CRMP1: variants seen among roughly 807,000 people sequenced by gnomAD.
CRMP1 encodes collapsin response mediator protein 1, also known as dihydropyrimidinase-related protein 1.
In CRMP1, 19 loss-of-function variants were observed where a neutral mutation model predicts 68.3. That is an observed-to-expected ratio of 0.28 (90% CI 0.19 to 0.41). The LOEUF (loss-of-function observed/expected upper bound fraction) is 0.41, where lower values mean the gene tolerates loss of function less well. Among genes scored for constraint, CRMP1 ranks in the 10% least tolerant of loss-of-function variants. CRMP1 has a pLI of 1.00. For synonymous variants in CRMP1, 439 were observed against 399.6 expected (o/e 1.10, Z -1.18); for missense variants, 791 against 967.4 (o/e 0.82, Z 2.42).
intron 6 of CRMP1, among the ~76,000 whole-genome samples, chr4:5,848,403 G>C (rs1236285924): frequency 6.6e-6 from 1 of 152,172 alleles, no homozygotes; most frequent in Non-Finnish European, 1.5e-5. Context: ...ATGTTGGCCA[G>C]GCTGGTCTCA....
chr4:5,880,422 C>A (rs1333973785), intron 1 of CRMP1, among the ~76,000 whole-genome samples: 1 of 152,126 alleles, frequency 6.6e-6, no homozygotes, highest in African/African-American at 2.4e-5. Context: ...AATTTGGGGG[C>A]AGGTTCAAAA....
chr4:5,822,911 C>T (rs1718898812), intron 13 of CRMP1, among the ~76,000 whole-genome samples: 1 of 152,184 alleles, frequency 6.6e-6, no homozygotes, highest in African/African-American at 2.4e-5. Context: ...GCACAAGCAC[C>T]ATCCTATAAA....
chr4:5,830,815 T>C lies in CRMP1; in HGVS notation c.1624-2147A>G, dbSNP rs144919855. 5.7e-3 allele frequency among the ~76,000 whole-genome samples: 867 copies of C among 152,338 alleles called. 5 individuals are homozygous for C. Among genetic ancestry groups the C allele is most frequent in the Non-Finnish European group, 8.4e-3 (574 of 68,034 alleles). ...CACATTTCTCATCTGGGAACTCTGC[T>C]TTCCTAGCTAAACAATTAAATTTTC... On this transcript the variant is annotated intron_variant, in intron 11 of 13. Coordinates refer to ENST00000324989, the MANE Select transcript of CRMP1 (RefSeq NM_001014809.3).
Position 5,825,904 on chromosome 4 carries a change from CACACACCACGCACACGCACTCACAT to C in CRMP1, c.1804-270_1804-246del. 1 of 516,146 alleles carries C rather than the reference CACACACCACGCACACGCACTCACAT, an allele frequency of 1.9e-6. No individual in the cohort carries two copies. The highest frequency in any genetic ancestry group is 3.4e-6 in the Non-Finnish European group (1 of 298,052). The allele number at this position is 516,146 out of a possible 1,614,324, so 32.0% of individuals were successfully genotyped here. A position where few individuals can be genotyped will look rare whatever the true frequency, so the allele number is the denominator to read the frequency against. ...ACCCACATGCATACACATACAGACGCACACACCACGCACACGCACTCACATACATGCAGTCATGCACACATATATG... is the reference window on the plus strand; with the variant it reads ...ACCCACATGCATACACATACAGACGCACATGCAGTCATGCACACATATATG... On this transcript the variant is annotated intron_variant, in intron 12 of 13. Transcript: ENST00000324989. This position sits in a 1 kb window ranked among gnomAD's most constrained non-coding sequence, Gnocchi z 4.4.
At chr4:5,875,623 GA>G (rs1714754688) in intron 1 of CRMP1, among the ~76,000 whole-genome samples, 1 of 152,066 alleles carries the variant, frequency 6.6e-6, no homozygotes, top group African/African-American at 2.4e-5. Flanking sequence ...TGGGAGAGGA[GA>G]AGGGAAACAT....
At chr4:5,863,659 C>A (rs1039877862) in intron 2 of CRMP1, among the ~76,000 whole-genome samples, 2 of 152,132 alleles carry the variant, frequency 1.3e-5, no homozygotes, top group African/African-American at 4.8e-5. Flanking sequence ...CTCTCAACCA[C>A]CGGCACTAGA....
Position 5,850,212 on chromosome 4 carries a change from G to A in CRMP1, c.883-740C>T, listed in dbSNP as rs937968243. Among the ~76,000 whole-genome samples, 1 of 152,152 alleles carries A rather than the reference G, an allele frequency of 6.6e-6. No individual in the cohort carries two copies. The highest frequency in any genetic ancestry group is 1.5e-5 in the Non-Finnish European group (1 of 68,026). Reference sequence around the variant, plus strand: ...ACATCCCCTCGGATGTCTGCTTTCCGACAGACATCCCTATTTCAGCAAATA... The same window carrying A: ...ACATCCCCTCGGATGTCTGCTTTCCAACAGACATCCCTATTTCAGCAAATA... On this transcript the variant is annotated intron_variant, in intron 5 of 13. Transcript: ENST00000324989. This position sits in a 1 kb window ranked among gnomAD's most constrained non-coding sequence, Gnocchi z 4.4.
Position 5,881,280 on chromosome 4 carries a change from C to T in CRMP1, c.381+11309G>A, listed in dbSNP as rs1715203773. Among the ~76,000 whole-genome samples, 1 of 152,208 alleles carries T rather than the reference C, an allele frequency of 6.6e-6. No homozygotes were observed. Among genetic ancestry groups the T allele is most frequent in the Non-Finnish European group, 1.5e-5 (1 of 68,048 alleles). ...AGATCCCACTCCACTTCCCAAACTA[C>T]CAACACCAATTCAGAGTTGTTTCTT... On this transcript the variant is annotated intron_variant, in intron 1 of 13. Coordinates refer to ENST00000324989, the MANE Select transcript of CRMP1 (RefSeq NM_001014809.3). The surrounding 1 kb of genome is among the most constrained non-coding windows in gnomAD (Gnocchi z 4.6).
rs577913448 is a variant in CRMP1 at position 5,851,468 on chromosome 4, G to A, written c.822C>T (p.Gly274=). Residue 274 remains glycine, a splice_region_variant and synonymous_variant, in exon 5 of 14, where the codon GGC becomes GGT. Transcript: ENST00000324989. Reference sequence around the variant, plus strand: ...CCATGTAGACTTGGAAGGAATTGACGCCTGTTTCAAGATAGAAAGGATAGA... The same window carrying A: ...CCATGTAGACTTGGAAGGAATTGACACCTGTTTCAAGATAGAAAGGATAGA... The part of the protein sequence containing the change: ...EELEVLVQDK[G]VNSFQVYMAY... The A allele has an allele frequency of 1.6e-5, 26 of 1,613,796 alleles. No individual in the cohort carries two copies. Among genetic ancestry groups the A allele is most frequent in the African/African-American group, 6.7e-5 (5 of 75,030 alleles).
Position 5,855,431 on chromosome 4 carries a change from T to C in CRMP1, c.820+712A>G, listed in dbSNP as rs1712982431. Among the ~76,000 whole-genome samples the C allele has an allele frequency of 6.6e-6, 1 of 152,220 alleles. No homozygotes were observed. The highest frequency in any genetic ancestry group is 2.4e-5 in the African/African-American group (1 of 41,458). ...GCTCATGCCCTGTCTCTTTCCATTC[T>C]GCTGTTCTTTGCTTCCTTTGTGTCT... On this transcript the variant is annotated intron_variant, in intron 4 of 13. Coordinates refer to ENST00000324989, the MANE Select transcript of CRMP1 (RefSeq NM_001014809.3). The surrounding 1 kb of genome is among the most constrained non-coding windows in gnomAD (Gnocchi z 4.9).
Position 5,838,015 on chromosome 4 carries a change from G to A in CRMP1, c.1311-1109C>T, listed in dbSNP as rs1720844781. ...TGGGCGCTGTTAGAGTGAGTGTCAG[G>A]GATTCAACCAAAGCAGGTGGGGATG... On this transcript the variant is annotated intron_variant, in intron 9 of 13. Coordinates refer to ENST00000324989, the MANE Select transcript of CRMP1 (RefSeq NM_001014809.3). The surrounding 1 kb of genome is among the most constrained non-coding windows in gnomAD (Gnocchi z 4.9). Among the ~76,000 whole-genome samples, 1 of 152,156 alleles carries A rather than the reference G, an allele frequency of 6.6e-6. No individual in the cohort carries two copies. The highest frequency in any genetic ancestry group is 1.5e-5 in the Non-Finnish European group (1 of 68,024).
chr4:5,886,556 T>G (rs1182282153), intron 1 of CRMP1, among the ~76,000 whole-genome samples: 2 of 152,214 alleles, frequency 1.3e-5, no homozygotes, highest in Non-Finnish European at 2.9e-5. Flanking sequence ...GACTGCACAC[T>G]TTCAGAGGCA....
rs967584247 is a variant in CRMP1 at position 5,841,503 on chromosome 4, T to C, written c.1033-75A>G. On this transcript the variant is annotated intron_variant, in intron 7 of 13. Coordinates refer to ENST00000324989, the MANE Select transcript of CRMP1 (RefSeq NM_001014809.3). The surrounding 1 kb of genome is among the most constrained non-coding windows in gnomAD (Gnocchi z 6.9). ...TACCACCCATCTCCATTTTCCTTAA[T>C]TGAATGTGATCAGAAGGGAAATCTG... 15 of 1,588,688 alleles carry C rather than the reference T, an allele frequency of 9.4e-6. No homozygotes were observed. Among genetic ancestry groups the C allele is most frequent in the African/African-American group, 9.4e-5 (7 of 74,598 alleles).
At position 5,866,839 on chromosome 4, in the gene CRMP1, T is replaced by A; in HGVS notation, c.382-83A>T. Reference sequence around the variant, plus strand: ...TCTTTTTAATTTTTAATATAAGAATTATCAAATATTTTCAAAAGTAAAGGC... The same window carrying A: ...TCTTTTTAATTTTTAATATAAGAATAATCAAATATTTTCAAAAGTAAAGGC... On this transcript the variant is annotated intron_variant, in intron 1 of 13. Coordinates refer to ENST00000324989, the MANE Select transcript of CRMP1 (RefSeq NM_001014809.3). The surrounding 1 kb of genome is among the most constrained non-coding windows in gnomAD (Gnocchi z 5.9). The A allele has an allele frequency of 1.0e-6, 1 of 968,788 alleles. No homozygotes were observed. The allele number at this position is 968,788 out of a possible 1,614,324, so 60.0% of individuals were successfully genotyped here.
At chr4:5,824,610 A>G (rs760798545) in intron 13 of CRMP1, 1 of 951,332 alleles carries the variant, frequency 1.1e-6, no homozygotes, top group African/African-American at 1.8e-5. Flanking sequence ...TGTACGATCC[A>G]TGACCTGAGA....
intron 1 of CRMP1, among the ~76,000 whole-genome samples, chr4:5,871,649 G>C (rs947425490): frequency 6.6e-6 from 1 of 152,026 alleles, no homozygotes; most frequent in Non-Finnish European, 1.5e-5. Context: ...AACAGAGTGA[G>C]ATTCCCCGCT....
intron 1 of CRMP1, among the ~76,000 whole-genome samples, chr4:5,880,377 T>C (rs1022913628): frequency 6.6e-6 from 1 of 152,238 alleles, no homozygotes; most frequent in Non-Finnish European, 1.5e-5. Flanking sequence ...TAAGGGTCTA[T>C]GGATATGGTA....
chr4:5,865,835 G>A lies in CRMP1; in HGVS notation c.470+833C>T, dbSNP rs1038606945. Among the ~76,000 whole-genome samples, 2 of 152,036 alleles carry A rather than the reference G, an allele frequency of 1.3e-5. No individual in the cohort carries two copies. The highest frequency in any genetic ancestry group is 2.1e-4 in the South Asian group (1 of 4,818). ...AACAAAACTGGTGACCTTAGAAGAA[G>A]AGACCCCAGGAGTGTGCACACACAC... On this transcript the variant is annotated intron_variant, in intron 2 of 13. Coordinates refer to ENST00000324989, the MANE Select transcript of CRMP1 (RefSeq NM_001014809.3). The surrounding 1 kb of genome is among the most constrained non-coding windows in gnomAD (Gnocchi z 4.1).
At chr4:5,862,613 G>A (rs973311606) in intron 2 of CRMP1, among the ~76,000 whole-genome samples, 7 of 152,138 alleles carry the variant, frequency 4.6e-5, no homozygotes, top group Non-Finnish European at 7.3e-5. Flanking sequence ...GGACAGGGTC[G>A]CACCCCAAAT....
Sources: gnomAD v4.1 joint callset for allele counts (sites outside exome capture counted in the v4.1 genomes callset) on GRCh38, gnomAD v4.1.1 for gene constraint, Gnocchi (gnomAD v3.1) non-coding constraint, MANE v1.5 for transcripts, NCBI Gene and HGNC (gene_info 2026-07-23, HGNC 2026-07-21) for gene names.